NEK9: variants seen among roughly 807,000 people sequenced by gnomAD.
The protein encoded by NEK9 is serine/threonine-protein kinase Nek9.
NEK9 carries 75 observed loss-of-function variants against 123.4 expected under a neutral mutation model. That is an observed-to-expected ratio of 0.61 (90% confidence interval 0.50 to 0.74). The LOEUF (loss-of-function observed/expected upper bound fraction) is 0.74. Among genes scored for constraint, NEK9 ranks in the 30% least tolerant of loss-of-function variants. The pLI, the probability that NEK9 is intolerant of heterozygous loss-of-function variation, is 0.00. For synonymous variants in NEK9, 438 were observed against 458.7 expected, an observed-to-expected ratio of 0.95 and a Z score of 0.58; for missense variants, 952 against 1,214.4, an observed-to-expected ratio of 0.78 and a Z score of 3.21.
chr14:75,100,112 G>T (rs377738811), intron 16 of NEK9, among the ~76,000 whole-genome samples: 18 of 97,098 alleles, frequency 1.9e-4, no homozygotes, highest in East Asian at 1.2e-3. Flanking sequence ...CTGGGCAATA[G>T]AGCAAGACTC....
intron 16 of NEK9, among the ~76,000 whole-genome samples, chr14:75,100,697 T>C (rs575928165): frequency 6.6e-6 from 1 of 152,296 alleles, no homozygotes; most frequent in South Asian, 2.1e-4. Context: ...TATATAGAAG[T>C]ACTTAATAAT....
intron 1 of NEK9, among the ~76,000 whole-genome samples, chr14:75,125,930 G>A (rs1469452584): frequency 6.6e-6 from 1 of 152,042 alleles, no homozygotes; most frequent in African/African-American, 2.4e-5. Flanking sequence ...ATCACTGCAG[G>A]GTTTTACACT....
At chr14:75,097,029 A>T in intron 17 of NEK9, 71 bp downstream of exon 17, 1 of 1,417,786 alleles carries the variant, frequency 7.1e-7, no homozygotes, top group Non-Finnish European at 9.5e-7. Context: ...CAACAATGTG[A>T]CTAACAGTAC....
At chr14:75,106,358 C>G in intron 12 of NEK9, 144 bp downstream of exon 12, 1 of 640,016 alleles carries the variant, frequency 1.6e-6, no homozygotes, top group Non-Finnish European at 2.4e-6. Context: ...GACTCTGTCT[C>G]GAGAAAAAAA....
In NEK9 at chr14:75,126,751, G is replaced by A. The variant is rs1410015605; in HGVS notation, c.171C>T (p.Val57=). 15 of 1,504,784 alleles carry A rather than the reference G, an allele frequency of 1.0e-5. No individual in the cohort carries two copies. In the East Asian group the frequency reaches 3.8e-4, roughly 38 times the overall value. The allele number at this position is 1,504,784 out of a possible 1,614,324, so 93.2% of individuals were successfully genotyped here. Reference sequence around the variant, plus strand: ...CTTCCCCGAAGGCGCCGCGGCCCAGGACGCGGATGGGGATGTAGTGCAGTT... The same window carrying A: ...CTTCCCCGAAGGCGCCGCGGCCCAGAACGCGGATGGGGATGTAGTGCAGTT... ...QEELHYIPIR[V]LGRGAFGEAT... is the part of the protein sequence containing the mutation. Residue 57 remains valine (V), a synonymous_variant, in exon 1 of 22, where the codon GTC becomes GTT. Coordinates refer to ENST00000238616, the MANE Select transcript of NEK9 (RefSeq NM_033116.6).
intron 18 of NEK9, chr14:75,091,731 T>C (rs961338424): frequency 1.5e-5 from 6 of 396,146 alleles, no homozygotes; most frequent in Non-Finnish European, 2.2e-5. Context: ...TTGTTTATCT[T>C]GTATCCATAG....
chr14:75,120,903 C>G, intron 3 of NEK9: 1 of 647,956 alleles, frequency 1.5e-6, no homozygotes, highest in Non-Finnish European at 2.8e-6. Context: ...GGAAAGAAAG[C>G]CCACAGAGAA....
chr14:75,085,972 C>T (rs972041322), intron 21 of NEK9, among the ~76,000 whole-genome samples: 3 of 151,864 alleles, frequency 2.0e-5, no homozygotes, highest in African/African-American at 4.8e-5. Context: ...AGGTGGATCA[C>T]GAGGTCAGGA....
intron 14 of NEK9, among the ~76,000 whole-genome samples, chr14:75,102,079 C>T (rs534477423): frequency 1.3e-5 from 2 of 152,218 alleles, no homozygotes; most frequent in African/African-American, 2.4e-5. Context: ...TGACATTTAC[C>T]TTGGTTATAC....
In NEK9 at chr14:75,126,696, C is replaced by A; in HGVS notation, c.219+7G>T. On this transcript the variant is annotated splice_region_variant and intron_variant, in intron 1 of 21. Transcript: ENST00000238616. ...CAGACAGGGCGGCCGGCGCCGAGGG[C>A]CGCTACCTCGGTGCGGCGGTACAGC... 1 of 1,409,054 alleles carries A rather than the reference C, an allele frequency of 7.1e-7. No homozygotes were observed. The highest frequency in any genetic ancestry group is 9.2e-7 in the Non-Finnish European group (1 of 1,086,390). The allele number at this position is 1,409,054 out of a possible 1,614,324, so 87.3% of individuals were successfully genotyped here.
At chr14:75,118,772 AG>A in intron 5 of NEK9, 57 bp downstream of exon 5, 1 of 955,978 alleles carries the variant, frequency 1.0e-6, no homozygotes. Flanking sequence ...TAGGGAGTAC[AG>A]TTATATTTCA....
intron 18 of NEK9, among the ~76,000 whole-genome samples, chr14:75,094,108 G>C (rs142063062): frequency 9.5e-4 from 144 of 152,278 alleles, no homozygotes; most frequent in Non-Finnish European, 1.6e-3. Context: ...AGTCAGTTTT[G>C]ACAGATATTA....
intron 13 of NEK9, among the ~76,000 whole-genome samples, chr14:75,104,778 C>T (rs1354191450): frequency 6.6e-6 from 1 of 152,178 alleles, no homozygotes; most frequent in Non-Finnish European, 1.5e-5. Context: ...CCATTGTGCT[C>T]GGTCAAGGCT....
At chr14:75,126,375 G>A (rs1317295601) in intron 1 of NEK9, among the ~76,000 whole-genome samples, 2 of 151,904 alleles carry the variant, frequency 1.3e-5, no homozygotes, top group African/African-American at 4.8e-5. Flanking sequence ...TTACAGAACA[G>A]AGCCTTCGTT....
intron 8 of NEK9, among the ~76,000 whole-genome samples, chr14:75,112,200 T>C (rs938603398): frequency 9.9e-5 from 15 of 152,114 alleles, no homozygotes; most frequent in African/African-American, 2.9e-4. Context: ...AGAGCAAGAC[T>C]TGAAAAGAGC....
In NEK9 at chr14:75,126,863, C is replaced by T. The variant is rs202006653; in HGVS notation, c.59G>A (p.Ser20Asn). 362 of 1,529,044 alleles carry T rather than the reference C, an allele frequency of 2.4e-4. 1 individual carries two copies. The African/African-American group carries it at 4.7e-3, about 20-fold the overall frequency. 94.7% of individuals were successfully genotyped at this position (1,529,044 alleles called of 1,614,324 possible). ...HCDSINSDFG[S>N]ESGGCGDSSP... The stretch of plus-strand genomic sequence containing the variant: ...CGAGTCCCCGCAACCCCCGGACTCG[C>T]TCCCAAAGTCCGAGTTGATGGAATC... Residue 20 changes from serine (S) to asparagine (N), a missense_variant, in exon 1 of 22, where the codon AGC (serine) becomes AAC (asparagine). By Grantham distance (46) the Ser-to-Asn change is conservative. Transcript: ENST00000238616.
intron 10 of NEK9, 49 bp downstream of exon 10, chr14:75,109,636 A>G (rs769822930): frequency 5.2e-6 from 8 of 1,545,130 alleles, no homozygotes; most frequent in South Asian, 1.2e-5. Flanking sequence ...TGGGCCCAGT[A>G]AACAATTAGG....
intron 7 of NEK9, 53 bp downstream of exon 7, chr14:75,114,150 T>C: frequency 7.7e-7 from 1 of 1,296,768 alleles, no homozygotes; most frequent in Non-Finnish European, 1.1e-6. Flanking sequence ...CACCAAACAC[T>C]GAGGCTGGAA....
intron 5 of NEK9, among the ~76,000 whole-genome samples, chr14:75,117,983 G>T (rs1300870645): frequency 1.3e-5 from 2 of 152,120 alleles, no homozygotes; most frequent in Non-Finnish European, 2.9e-5. Flanking sequence ...GGCTTACATG[G>T]CTTTTATAAA....
Sources: gnomAD v4.1 joint callset for allele counts (sites outside exome capture counted in the v4.1 genomes callset) on GRCh38, gnomAD v4.1.1 for gene constraint, MANE v1.5 for transcripts, NCBI Gene and HGNC (gene_info 2026-07-23, HGNC 2026-07-21) for gene names.